Variants in CYRIB observed in about 807,000 individuals in gnomAD.
The protein encoded by CYRIB is CYFIP-related Rac1 interactor B.
A neutral mutation model predicts 44.2 loss-of-function variants in CYRIB; 8 were observed. That is an observed-to-expected ratio of 0.18 (90% CI 0.11 to 0.33). The LOEUF (loss-of-function observed/expected upper bound fraction) is 0.33. Among genes scored for constraint, CYRIB ranks in the 10% least tolerant of loss-of-function variants. The probability of loss-of-function intolerance (pLI) is 1.00; values close to 1 mark genes in which losing one functional copy is unlikely to be tolerated. For synonymous variants in CYRIB, 131 were observed against 127.2 expected (o/e 1.03, Z -0.20); for missense variants, 185 against 382.8 (o/e 0.48, Z 4.31).
intron 11 of CYRIB, among the ~76,000 whole-genome samples, chr8:129,845,736 T>C (rs984137479): frequency 3.3e-5 from 5 of 152,254 alleles, no homozygotes; most frequent in African/African-American, 9.6e-5. Context: ...CATGTAATTT[T>C]TGTGTTTAAA....
At chr8:129,963,809 T>G (rs1339696574) in intron 2 of CYRIB, among the ~76,000 whole-genome samples, 1 of 152,256 alleles carries the variant, frequency 6.6e-6, no homozygotes, top group East Asian at 1.9e-4. Context: ...AAGTGTTTCA[T>G]CTGAATTGTG....
chr8:129,889,458 T>C (rs1170368666), intron 2 of CYRIB, among the ~76,000 whole-genome samples: 1 of 152,216 alleles, frequency 6.6e-6, no homozygotes, highest in Non-Finnish European at 1.5e-5. Context: ...CTGTCATAGA[T>C]ATGGATTCTT....
chr8:129,921,497 C>T (rs767698903), intron 1 of CYRIB, among the ~76,000 whole-genome samples: 4 of 152,196 alleles, frequency 2.6e-5, no homozygotes, highest in Admixed American at 1.3e-4. Context: ...ACTCTCTCGC[C>T]TAGACTGGAG....
At chr8:129,947,975 T>C (rs2094269509) in intron 2 of CYRIB, 1 of 152,272 alleles carries the variant, frequency 6.6e-6, no homozygotes, top group African/African-American at 2.4e-5. Context: ...TAAAATGCTT[T>C]ATTCCAGCAC....
At chr8:129,862,540 G>A (rs1431155697) in intron 4 of CYRIB, among the ~76,000 whole-genome samples, 5 of 151,928 alleles carry the variant, frequency 3.3e-5, no homozygotes, top group Admixed American at 1.3e-4. Flanking sequence ...GCGTGATCTC[G>A]GCTCTCTACA....
intron 1 of CYRIB, among the ~76,000 whole-genome samples, chr8:129,974,958 C>T (rs540582231): frequency 2.2e-4 from 33 of 151,780 alleles, no homozygotes; most frequent in Non-Finnish European, 3.1e-4. Context: ...TGGCTCACTG[C>T]AACCTCTGCC....
At chr8:129,890,563 TC>T (rs1409292963) in intron 2 of CYRIB, 2 of 152,156 alleles carry the variant, frequency 1.3e-5, no homozygotes, top group Non-Finnish European at 2.9e-5. Flanking sequence ...TTGCCCGAAG[TC>T]TGCTTATTGA....
chr8:129,902,854 G>A (rs938916356), intron 2 of CYRIB: 3 of 151,880 alleles, frequency 2.0e-5, no homozygotes, highest in Non-Finnish European at 4.4e-5. Flanking sequence ...TTATGGTAAC[G>A]ATTCTTTGTT....
intron 1 of CYRIB, among the ~76,000 whole-genome samples, chr8:129,921,364 T>G (rs1271077355): frequency 6.6e-6 from 1 of 152,212 alleles, no homozygotes; most frequent in African/African-American, 2.4e-5. Context: ...CAGATATACA[T>G]TAACAGCCAT....
chr8:129,858,338 G>A (rs1007666684), intron 5 of CYRIB, among the ~76,000 whole-genome samples: 4 of 152,290 alleles, frequency 2.6e-5, no homozygotes, highest in Non-Finnish European at 2.9e-5. Flanking sequence ...AGTCTATTAA[G>A]CCCTAAGTTC....
chr8:129,965,175 G>A (rs549207002), intron 2 of CYRIB, among the ~76,000 whole-genome samples: 2 of 152,182 alleles, frequency 1.3e-5, no homozygotes, highest in Non-Finnish European at 2.9e-5. Context: ...ACACATAGCA[G>A]GATATCTTCC....
chr8:129,972,147 T>C (rs2132231520), intron 1 of CYRIB, among the ~76,000 whole-genome samples: 1 of 152,362 alleles, frequency 6.6e-6, no homozygotes, highest in South Asian at 2.1e-4. Context: ...GAGAACCCTA[T>C]CTGCTGATAA....
intron 2 of CYRIB, among the ~76,000 whole-genome samples, chr8:129,967,508 T>C (rs1429424797): frequency 2.0e-5 from 3 of 151,812 alleles, no homozygotes; most frequent in Non-Finnish European, 4.4e-5. Context: ...GCCTCCCGAG[T>C]AGCTGGGACT....
rs1284012510 is a variant in CYRIB at position 129,973,044 on chromosome 8, C to T, written c.-295-2049G>A. Among the ~76,000 whole-genome samples, 3 of 152,180 alleles carry T rather than the reference C, an allele frequency of 2.0e-5. No homozygotes were observed. In the East Asian group the frequency reaches 5.8e-4, roughly 29 times the overall value. ...ACTCATTCACTCAATAGCTACTGATCACCTATTGTGTGCCAAGCATTGTGG... is the reference window on the plus strand; with the variant it reads ...ACTCATTCACTCAATAGCTACTGATTACCTATTGTGTGCCAAGCATTGTGG... On this transcript the variant is annotated intron_variant, in intron 1 of 14. Coordinates refer to the CYRIB transcript ENST00000401979.
intron 2 of CYRIB, among the ~76,000 whole-genome samples, chr8:129,883,696 G>A (rs571522098): frequency 1.3e-5 from 2 of 152,276 alleles, no homozygotes; most frequent in Non-Finnish European, 2.9e-5. Flanking sequence ...CAGCTTAGGT[G>A]GGACCAGACT....
chr8:129,990,172 G>A (rs1485942828), intron 1 of CYRIB, among the ~76,000 whole-genome samples: 1 of 152,170 alleles, frequency 6.6e-6, no homozygotes, highest in Non-Finnish European at 1.5e-5. Flanking sequence ...GCCCAGCACA[G>A]TGTGGGCACC....
intron 2 of CYRIB, among the ~76,000 whole-genome samples, chr8:129,897,706 G>A (rs1300704315): frequency 2.0e-5 from 3 of 151,226 alleles, no homozygotes; most frequent in African/African-American, 7.3e-5. Context: ...AGGTGGAGGT[G>A]GGAGGATTGC....
intron 2 of CYRIB, among the ~76,000 whole-genome samples, chr8:129,963,681 CATCCCA>C (rs1276876385): frequency 6.6e-6 from 1 of 152,210 alleles, no homozygotes; most frequent in African/African-American, 2.4e-5. Context: ...AAAACCATTA[CATCCCA>C]CGTTGCACAG....
At chr8:129,917,940 G>A (rs1368142403) in intron 1 of CYRIB, among the ~76,000 whole-genome samples, 1 of 152,150 alleles carries the variant, frequency 6.6e-6, no homozygotes, top group Admixed American at 6.5e-5. Flanking sequence ...TTCAGTTGTA[G>A]TTTTATTAGA....
Sources: gnomAD v4.1 joint callset for allele counts (sites outside exome capture counted in the v4.1 genomes callset) on GRCh38, gnomAD v4.1.1 for gene constraint, MANE v1.5 for transcripts, NCBI Gene and HGNC (gene_info 2026-07-23, HGNC 2026-07-21) for gene names.